Variants in MAP2 observed in about 807,000 individuals in gnomAD.
MAP2 encodes the protein microtubule associated protein 2.
A neutral mutation model predicts 137.6 loss-of-function variants in MAP2; 14 were observed. That is an observed-to-expected ratio of 0.10 (90% CI 0.07 to 0.16). The LOEUF is 0.16. MAP2 is among the 10% of genes least tolerant of loss of function. The pLI, the probability that MAP2 is intolerant of heterozygous loss-of-function variation, is 1.00. For synonymous variants in MAP2, 786 were observed against 782.3 expected, an observed-to-expected ratio of 1.00 and a Z score of -0.08; for missense variants, 2,088 against 2,191.5, an observed-to-expected ratio of 0.95 and a Z score of 0.94.
At chr2:209,530,667 ATATT>A (rs2064975143) in intron 2 of MAP2, among the ~76,000 whole-genome samples, 1 of 152,214 alleles carries the variant, frequency 6.6e-6, no homozygotes, top group South Asian at 2.1e-4. Context: ...AAGAGAACAA[ATATT>A]TATGAAGTTC....
chr2:209,519,419 T>A lies in MAP2; in HGVS notation c.-172+11778T>A, dbSNP rs2062963894. 2.0e-5 allele frequency among the ~76,000 whole-genome samples: 3 copies of A among 152,068 alleles called. No individual in the cohort carries two copies. The South Asian group carries it at 6.2e-4, about 31-fold the overall frequency. ...ATCCCTTTATGACAGGAAGAAGTTT[T>A]GCAACTTGGAGCAAGGGTAACCCTG... is the stretch of plus-strand genomic sequence containing the variant. On this transcript the variant is annotated intron_variant, in intron 2 of 15. Transcript: ENST00000682079.
intron 1 of MAP2, among the ~76,000 whole-genome samples, chr2:209,446,662 C>A (rs1363475018): frequency 6.6e-6 from 1 of 151,804 alleles, no homozygotes; most frequent in African/African-American, 2.4e-5. Context: ...AAATGAGGTT[C>A]CAGCTGACTT....
intron 2 of MAP2, among the ~76,000 whole-genome samples, chr2:209,554,790 T>A (rs1408443806): frequency 6.6e-6 from 1 of 151,488 alleles, no homozygotes; most frequent in East Asian, 1.9e-4. Context: ...AAGCTCGTTT[T>A]GGGACTAAAA....
chr2:209,692,732 C>A lies in MAP2; in HGVS notation c.562C>A (p.Pro188Thr), dbSNP rs1464955942. The change falls in exon 8 of 16, where the codon CCT becomes ACT. Residue 188 changes from proline (P) to threonine (T), a missense_variant. Coordinates refer to ENST00000682079, the MANE Select transcript of MAP2 (RefSeq NM_001375505.1). ...AAAGGAGTCAGAGAAGCAAAGTAAGCCTGGTGAAGACCTTAAACATGCTGC... is the reference window on the plus strand; with the variant it reads ...AAAGGAGTCAGAGAAGCAAAGTAAGACTGGTGAAGACCTTAAACATGCTGC... ...KEKESEKQSK[P>T]GEDLKHAALV... 1 of 1,614,018 alleles carries A rather than the reference C, an allele frequency of 6.2e-7. No individual in the cohort carries two copies. The highest frequency in any genetic ancestry group is 1.1e-5 in the South Asian group (1 of 91,076).
intron 1 of MAP2, among the ~76,000 whole-genome samples, chr2:209,466,817 C>G (rs150762354): frequency 6.6e-6 from 1 of 152,276 alleles, no homozygotes; most frequent in Admixed American, 6.5e-5. Context: ...AGCAGAAGAT[C>G]AAATTCTTGC....
intron 2 of MAP2, among the ~76,000 whole-genome samples, chr2:209,514,293 A>G (rs1447053276): frequency 1.3e-5 from 2 of 152,130 alleles, no homozygotes; most frequent in African/African-American, 2.4e-5. Flanking sequence ...CCTAATAATT[A>G]TTGCAGCTTC....
rs181479496 is a variant in MAP2, at chr2:209,605,570, A to G, written c.-106-19483A>G. ...TGGTTTTATTGAGAGTAACTTCCCC[A>G]CAAGTTTTATTAGAAGGTAGTTCAA... On this transcript the variant is annotated intron_variant, in intron 3 of 15. Transcript: ENST00000682079. Among the ~76,000 whole-genome samples, 81 of 152,292 alleles carry G rather than the reference A, an allele frequency of 5.3e-4. 1 individual carries two copies. The highest frequency in any genetic ancestry group is 4.3e-3 in the South Asian group (21 of 4,828).
chr2:209,697,106 TA>T (rs1559602402), intron 10 of MAP2, 55 bp downstream of exon 10: 8 of 1,472,758 alleles, frequency 5.4e-6, no homozygotes, highest in East Asian at 4.7e-5. Flanking sequence ...ATTTTTTTTT[TA>T]AATCTCATTA....
intron 2 of MAP2, among the ~76,000 whole-genome samples, chr2:209,534,922 C>A (rs2065722528): frequency 6.6e-6 from 1 of 152,070 alleles, no homozygotes; most frequent in South Asian, 2.1e-4. Flanking sequence ...AATTCATATA[C>A]CATATAATTC....
At chr2:209,623,993 A>C (rs142005574) in intron 3 of MAP2, among the ~76,000 whole-genome samples, 1 of 152,210 alleles carries the variant, frequency 6.6e-6, no homozygotes, top group African/African-American at 2.4e-5. Context: ...ATGTAAAAGC[A>C]CTTCATACAC....
At chr2:209,479,861 A>G (rs958877084) in intron 1 of MAP2, among the ~76,000 whole-genome samples, 1 of 152,286 alleles carries the variant, frequency 6.6e-6, no homozygotes, top group Admixed American at 6.5e-5. Context: ...GAACATTTCA[A>G]CTGTTTTCAA....
rs1576807472 is a variant in MAP2, at chr2:209,514,810, A to G, written c.-172+7169A>G. Among the ~76,000 whole-genome samples, 5 of 152,136 alleles carry G rather than the reference A, an allele frequency of 3.3e-5. No homozygotes were observed. The East Asian group carries it at 7.7e-4, about 23-fold the overall frequency. ...CATCAGTTATTCACCTGAGAATAGAAAAGTATCCATTGTGTATTAGAAAAA... is the reference window on the plus strand; with the variant it reads ...CATCAGTTATTCACCTGAGAATAGAGAAGTATCCATTGTGTATTAGAAAAA... On this transcript the variant is annotated intron_variant, in intron 2 of 15. Coordinates refer to ENST00000682079, the MANE Select transcript of MAP2 (RefSeq NM_001375505.1).
intron 11 of MAP2, 153 bp from the exon 12 acceptor site, chr2:209,705,427 A>G: frequency 1.9e-6 from 1 of 518,298 alleles, no homozygotes; most frequent in South Asian, 5.9e-5. Flanking sequence ...TCTAAGTTAT[A>G]AAGTAGAAAT....
intron 1 of MAP2, among the ~76,000 whole-genome samples, chr2:209,443,876 C>T (rs1184716952): frequency 4.6e-5 from 7 of 151,554 alleles, no homozygotes; most frequent in Non-Finnish European, 8.9e-5. Context: ...TGAGCTAAAA[C>T]TTTAATCTAC....
chr2:209,469,220 G>A (rs1705008493), intron 1 of MAP2, among the ~76,000 whole-genome samples: 1 of 152,140 alleles, frequency 6.6e-6, no homozygotes, highest in Non-Finnish European at 1.5e-5. Flanking sequence ...GCTAGATAGA[G>A]CTTCTTAGTC....
At chr2:209,432,696 CT>C (rs1694632500) in intron 1 of MAP2, among the ~76,000 whole-genome samples, 1 of 152,066 alleles carries the variant, frequency 6.6e-6, no homozygotes, top group African/African-American at 2.4e-5. Context: ...TGTTTTATCA[CT>C]GAGTAGATTG....
chr2:209,621,160 A>C (rs1441260950), intron 3 of MAP2, among the ~76,000 whole-genome samples: 1 of 150,666 alleles, frequency 6.6e-6, no homozygotes, highest in Non-Finnish European at 1.5e-5. Context: ...ACGCCATTGC[A>C]CTCTAGCCTG....
chr2:209,655,227 C>G (rs2095067275), intron 5 of MAP2, among the ~76,000 whole-genome samples: 1 of 152,160 alleles, frequency 6.6e-6, no homozygotes, highest in African/African-American at 2.4e-5. Flanking sequence ...CAATGTGTAT[C>G]AAACACATTT....
At chr2:209,473,474 A>G (rs1423568508) in intron 1 of MAP2, among the ~76,000 whole-genome samples, 1 of 152,140 alleles carries the variant, frequency 6.6e-6, no homozygotes, top group Non-Finnish European at 1.5e-5. Context: ...AGAAGGAGGT[A>G]TAGTACCCTA....
Sources: allele counts gnomAD v4.1 joint callset (sites outside exome capture counted in the v4.1 genomes callset), GRCh38; gene constraint gnomAD v4.1.1; transcripts MANE v1.5; gene names NCBI Gene and HGNC (gene_info 2026-07-23, HGNC 2026-07-21).